Variants in SEPSECS observed in about 807,000 individuals in gnomAD.
The protein encoded by SEPSECS is O-phosphoseryl-tRNA(Sec) selenium transferase.
SEPSECS carries 42 observed loss-of-function variants against 52.1 expected under a neutral mutation model. The observed-to-expected ratio is 0.81, with a 90% CI of 0.63 to 1.04. The LOEUF is 1.04. Among genes scored for constraint, SEPSECS ranks in the 50% least tolerant of loss-of-function variants. The pLI is 0.00. For synonymous variants in SEPSECS, 216 were observed against 211.4 expected, an observed-to-expected ratio of 1.02 and a Z score of -0.19; for missense variants, 590 against 610.6, an observed-to-expected ratio of 0.97 and a Z score of 0.36.
In SEPSECS at chr4:25,124,026, C is replaced by T; in HGVS notation, c.1411G>A (p.Asp471Asn). 6.2e-7 allele frequency: 1 copy of T among 1,613,662 alleles called. No homozygotes were observed. The highest frequency in any genetic ancestry group is 8.5e-7 in the Non-Finnish European group (1 of 1,179,654). Residue 471 changes from aspartate (D) to asparagine (N), a missense_variant, in exon 11 of 11, where the codon GAC becomes AAC. By Grantham distance (23) the Asp-to-Asn change is conservative. Coordinates refer to ENST00000382103, the MANE Select transcript of SEPSECS (RefSeq NM_016955.4). ...ACATCTTCAGTTTTGTCATAATTGT[C>T]ATCACTCTCTTTACTTCGTTCTTTT... is the stretch of plus-strand genomic sequence containing the variant. ...VRKERSKESD[D>N]NYDKTEDVDI... is the part of the protein sequence containing the mutation.
chr4:25,126,875 T>C (rs1363808253), intron 9 of SEPSECS, among the ~76,000 whole-genome samples: 1 of 152,202 alleles, frequency 6.6e-6, no homozygotes, highest in African/African-American at 2.4e-5. Context: ...CAGGCTGGTT[T>C]TGAGCTCCTG....
chr4:25,142,233 C>T (rs1278704141), intron 8 of SEPSECS, among the ~76,000 whole-genome samples: 2 of 152,028 alleles, frequency 1.3e-5, no homozygotes, highest in African/African-American at 4.8e-5. Context: ...GGCAAGATCA[C>T]GCCACTGCAC....
intron 8 of SEPSECS, among the ~76,000 whole-genome samples, chr4:25,135,152 G>C (rs922253032): frequency 6.6e-6 from 1 of 150,504 alleles, no homozygotes; most frequent in African/African-American, 2.5e-5. Flanking sequence ...AAAAGAAGTA[G>C]ACAACCAAGA....
chr4:25,129,063 T>C (rs1279043992), intron 8 of SEPSECS, among the ~76,000 whole-genome samples: 1 of 152,182 alleles, frequency 6.6e-6, no homozygotes, highest in Non-Finnish European at 1.5e-5. Context: ...TGAATAATCA[T>C]TTTTAAATTT....
At chr4:25,142,549 T>C (rs564637819) in intron 8 of SEPSECS, among the ~76,000 whole-genome samples, 1 of 152,358 alleles carries the variant, frequency 6.6e-6, no homozygotes, top group South Asian at 2.1e-4. Context: ...ACACATGACA[T>C]GTGGTCAATA....
intron 1 of SEPSECS, chr4:25,159,734 T>C: frequency 1.1e-6 from 1 of 912,198 alleles, no homozygotes; most frequent in Non-Finnish European, 1.4e-6. Context: ...ATCGTCACAC[T>C]GCATTCCAGC....
chr4:25,149,737 C>T (rs1426808320), intron 6 of SEPSECS, among the ~76,000 whole-genome samples: 1 of 152,100 alleles, frequency 6.6e-6, no homozygotes, highest in African/African-American at 2.4e-5. Flanking sequence ...GAATAAAAAT[C>T]AATCACTGAA....
rs564585668 is a variant in SEPSECS at position 25,123,667 on chromosome 4, A to G, written c.*264T>C. On this transcript the variant is annotated 3_prime_UTR_variant, in exon 11 of 11. Coordinates refer to ENST00000382103, the MANE Select transcript of SEPSECS (RefSeq NM_016955.4). ...TACACTAGTAAAAATTATCTGAGTC[A>G]TGATGCTTAATTGACAGATATTCTA... 4.3e-5 allele frequency: 20 copies of G among 466,340 alleles called. No homozygotes were observed. The South Asian group carries it at 4.9e-4, about 11-fold the overall frequency. 28.9% of individuals were successfully genotyped at this position (466,340 alleles called of 1,614,324 possible).
chr4:25,133,423 G>A (rs16876892), intron 8 of SEPSECS, among the ~76,000 whole-genome samples: 2,241 of 152,284 alleles, frequency 0.015, 47 homozygotes, highest in African/African-American at 0.05. Flanking sequence ...AAACTGAGCT[G>A]CCTGCTGGAT....
chr4:25,131,482 T>C (rs566899811), intron 8 of SEPSECS, among the ~76,000 whole-genome samples: 5 of 152,310 alleles, frequency 3.3e-5, no homozygotes, highest in African/African-American at 1.2e-4. Flanking sequence ...AAAACAGTAC[T>C]AAATATGACA....
chr4:25,128,135 A>G (rs373517896), intron 8 of SEPSECS, among the ~76,000 whole-genome samples: 4 of 152,200 alleles, frequency 2.6e-5, no homozygotes, highest in East Asian at 3.9e-4. Context: ...ACTTGCCACA[A>G]TCTGAAATTA....
In SEPSECS at chr4:25,156,205, A is replaced by C; in HGVS notation, c.389-10T>G. On this transcript the variant is annotated splice_polypyrimidine_tract_variant and intron_variant, in intron 3 of 10. Transcript: ENST00000382103. ...GCTACTGTATGGACACCTACAAATA[A>C]GAAGCAAAACAGAAATCTGTTATCC... is the stretch of plus-strand genomic sequence containing the variant. The C allele has an allele frequency of 6.2e-7, 1 of 1,613,432 alleles. No homozygotes were observed. Among genetic ancestry groups the C allele is most frequent in the Non-Finnish European group, 8.5e-7 (1 of 1,179,432 alleles).
At chr4:25,146,699 A>G (rs532244288) in intron 6 of SEPSECS, among the ~76,000 whole-genome samples, 19 of 152,210 alleles carry the variant, frequency 1.2e-4, no homozygotes, top group Non-Finnish European at 2.2e-4. Context: ...TGTGGCAAGA[A>G]AACAAACAGG....
intron 10 of SEPSECS, chr4:25,125,492 T>C (rs750105879): frequency 3.5e-5 from 20 of 574,896 alleles, no homozygotes; most frequent in African/African-American, 1.3e-4. Context: ...TCATGTCTTT[T>C]TGTGACTATT....
intron 8 of SEPSECS, among the ~76,000 whole-genome samples, chr4:25,133,166 G>A (rs1041012679): frequency 6.6e-6 from 1 of 152,068 alleles, no homozygotes. Flanking sequence ...ACTAAAGTTA[G>A]CTAGCAGGAC....
intron 1 of SEPSECS, chr4:25,159,947 C>T: frequency 1.0e-6 from 1 of 985,352 alleles, no homozygotes; most frequent in Non-Finnish European, 1.2e-6. Context: ...GCGAACTTTG[C>T]CCTTTCCGCG....
intron 8 of SEPSECS, among the ~76,000 whole-genome samples, chr4:25,135,117 C>G (rs1448036000): frequency 1.3e-5 from 2 of 151,660 alleles, no homozygotes; most frequent in Non-Finnish European, 1.5e-5. Context: ...CAGAAAGATC[C>G]CAAATTGACA....
rs1157934388 is a variant in SEPSECS at position 25,125,611 on chromosome 4, G to C, written c.1211+83C>G. The C allele has an allele frequency of 6.0e-6, 5 of 831,660 alleles. No homozygotes were observed. The African/African-American group carries it at 6.7e-5, about 11-fold the overall frequency. 51.5% of individuals were successfully genotyped at this position (831,660 alleles called of 1,614,324 possible). On this transcript the variant is annotated intron_variant, in intron 10 of 10. Coordinates refer to ENST00000382103, the MANE Select transcript of SEPSECS (RefSeq NM_016955.4). ...CAGGTATAGTTCAGGATATACTTGG[G>C]GGACTATTGTTGAGGAAAGGTATTT... is the stretch of plus-strand genomic sequence containing the variant.
At chr4:25,137,964 C>A (rs1263980332) in intron 8 of SEPSECS, among the ~76,000 whole-genome samples, 4 of 152,078 alleles carry the variant, frequency 2.6e-5, no homozygotes, top group Admixed American at 2.0e-4. Context: ...AAAGCAGGAA[C>A]AGAAAACCAA....
Sources: allele counts gnomAD v4.1 joint callset (sites outside exome capture counted in the v4.1 genomes callset), GRCh38; gene constraint gnomAD v4.1.1; transcripts MANE v1.5; gene names NCBI Gene and HGNC (gene_info 2026-07-23, HGNC 2026-07-21).